The following DCAF6 variants were observed in gnomAD, a reference collection of about 807,000 sequenced individuals.
The protein encoded by DCAF6 is DDB1- and CUL4-associated factor 6.
DCAF6 carries 54 observed loss-of-function variants against 125.1 expected under a neutral mutation model. The observed-to-expected ratio is 0.43, with a 90% CI of 0.35 to 0.54. The LOEUF is 0.54. DCAF6 is among the 20% of genes least tolerant of loss of function. DCAF6 has a pLI of 0.01. For missense variants in DCAF6, 934 were observed against 1,161.7 expected (o/e 0.80, Z 2.85); for synonymous variants, 371 against 390.4 (o/e 0.95, Z 0.58).
the DCAF6 span, among the ~76,000 whole-genome samples, chr1:167,891,498 T>C: frequency 3.3e-5 from 5 of 151,342 alleles, no homozygotes; most frequent in African/African-American, 1.2e-4. Context: ...CTACTAAAAA[T>C]ACAAAAACGT....
chr1:168,037,350 T>C (rs1028985665), intron 12 of DCAF6, among the ~76,000 whole-genome samples: 6 of 152,194 alleles, frequency 3.9e-5, no homozygotes, highest in Non-Finnish European at 1.5e-5. Flanking sequence ...CAAGAGAAGT[T>C]TATTTTTAGT....
chr1:168,057,165 C>A (rs1452528321), intron 17 of DCAF6, among the ~76,000 whole-genome samples: 1 of 152,078 alleles, frequency 6.6e-6, no homozygotes, highest in African/African-American at 2.4e-5. Context: ...TTAATTTGTG[C>A]CATTCTACCT....
Position 168,050,881 on chromosome 1 carries a change from C to T in DCAF6, c.2259-11C>T. 1 of 1,341,832 alleles carries T rather than the reference C, an allele frequency of 7.5e-7. No homozygotes were observed. Among genetic ancestry groups the T allele is most frequent in the South Asian group, 2.0e-5 (1 of 49,128 alleles). 83.1% of individuals were successfully genotyped at this position (1,341,832 alleles called of 1,614,324 possible). A position where few individuals can be genotyped will look rare whatever the true frequency, so the allele number is the denominator to read the frequency against. On this transcript the variant is annotated splice_polypyrimidine_tract_variant and intron_variant, in intron 16 of 21. Transcript: ENST00000367840. ...TGTAAGTGATTTCAGTTATTGTGTT[C>T]CCTTCACTAGATTTAATATCAGAGG... is the stretch of plus-strand genomic sequence containing the variant.
chr1:167,934,106 A>G (rs750024361), upstream of DCAF6, among the ~76,000 whole-genome samples: 3 of 152,198 alleles, frequency 2.0e-5, no homozygotes, highest in Non-Finnish European at 4.4e-5. Context: ...GAACGAATCC[A>G]AGGATTTTCA....
intron 18 of DCAF6, among the ~76,000 whole-genome samples, chr1:168,064,706 A>T (rs564136383): frequency 1.4e-4 from 21 of 152,332 alleles, no homozygotes; most frequent in African/African-American, 5.1e-4. Context: ...GAAGATAAGT[A>T]AATTTAACAG....
At position 167,998,306 on chromosome 1, in the gene DCAF6, C is replaced by G. The variant is rs983270515; in HGVS notation, c.904-4176C>G. On this transcript the variant is annotated intron_variant, in intron 7 of 21. Coordinates refer to ENST00000367840, the MANE Select transcript of DCAF6 (RefSeq NM_001198956.2). ...TTCATTGCTAAAAAGTGCTAACAAT[C>G]ATCTGAACCTCAGTAAGTTGTATTC... Among the ~76,000 whole-genome samples, 7 of 152,142 alleles carry G rather than the reference C, an allele frequency of 4.6e-5. No individual in the cohort carries two copies. In the East Asian group the frequency reaches 1.4e-3, roughly 29 times the overall value.
chr1:168,015,607 G>A (rs1265087778), intron 10 of DCAF6, among the ~76,000 whole-genome samples, 174 bp from the exon 11 acceptor site: 1 of 152,104 alleles, frequency 6.6e-6, no homozygotes, highest in African/African-American at 2.4e-5. Context: ...GGTTGTATAT[G>A]TATTGTCTCA....
chr1:167,900,049 G>A, the DCAF6 span, among the ~76,000 whole-genome samples: 1 of 152,104 alleles, frequency 6.6e-6, no homozygotes, highest in African/African-American at 2.4e-5. Context: ...AAAGGGTGGG[G>A]GAAAGGAAGT....
chr1:168,074,886 C>T (rs1693625671), intron 21 of DCAF6, among the ~76,000 whole-genome samples: 1 of 152,180 alleles, frequency 6.6e-6, no homozygotes, highest in South Asian at 2.1e-4. Flanking sequence ...TAAATAAGCT[C>T]CTTGAGACCA....
chr1:168,039,671 T>C (rs1360162476), intron 13 of DCAF6, among the ~76,000 whole-genome samples: 2 of 145,912 alleles, frequency 1.4e-5, no homozygotes, highest in Non-Finnish European at 3.0e-5. Context: ...ATAATTAATA[T>C]ATTAATATAT....
intron 10 of DCAF6, among the ~76,000 whole-genome samples, chr1:168,009,349 T>TCCTTCCTTCCTTCCTTCCTCCCTC (rs1557970748): frequency 1.9e-4 from 5 of 26,868 alleles, no homozygotes; most frequent in Admixed American, 3.2e-4. Flanking sequence ...CTTCCTCCCT[T>TCCTTCCTTCCTTCCTTCCTCCCTC]CCTTCCTTCC....
chr1:167,926,368 T>C, the DCAF6 span, among the ~76,000 whole-genome samples: 3 of 152,224 alleles, frequency 2.0e-5, no homozygotes, highest in African/African-American at 4.8e-5. Flanking sequence ...ACCACACACA[T>C]AGAACTCTAG....
At chr1:167,990,454 T>C (rs1025409386) in intron 5 of DCAF6, among the ~76,000 whole-genome samples, 1 of 152,202 alleles carries the variant, frequency 6.6e-6, no homozygotes, top group African/African-American at 2.4e-5. Flanking sequence ...ACTCCATCTT[T>C]GCTGTCAAGT....
the DCAF6 span, among the ~76,000 whole-genome samples, chr1:167,870,070 G>A: frequency 6.6e-6 from 1 of 152,270 alleles, no homozygotes; most frequent in Non-Finnish European, 1.5e-5. Flanking sequence ...CCATGGGTCA[G>A]CCCAGTTTCT....
chr1:168,049,431 GTTT>G (rs11369573), intron 16 of DCAF6, among the ~76,000 whole-genome samples: 34 of 101,214 alleles, frequency 3.4e-4, no homozygotes, highest in Admixed American at 6.6e-4. Context: ...TGTTGTTGTT[GTTT>G]TTTTTTTTTT....
chr1:168,032,548 G>T (rs1040904153), intron 12 of DCAF6, among the ~76,000 whole-genome samples: 2 of 152,166 alleles, frequency 1.3e-5, no homozygotes, highest in African/African-American at 4.8e-5. Context: ...AATGTGGGGA[G>T]ATAGTTAAAC....
chr1:168,037,614 A>C (rs1040406100), intron 12 of DCAF6, among the ~76,000 whole-genome samples: 18 of 151,976 alleles, frequency 1.2e-4, no homozygotes, highest in African/African-American at 4.4e-4. Context: ...TACTCTATTA[A>C]TTTGTGTAGG....
chr1:167,883,697 C>T, the DCAF6 span: 5 of 1,447,654 alleles, frequency 3.5e-6, no homozygotes, highest in Non-Finnish European at 4.8e-6. Context: ...ACCGCCCCCA[C>T]CTCATACCCG....
chr1:168,050,305 T>A lies in DCAF6; in HGVS notation c.2259-587T>A, dbSNP rs1689751771. ...TTTAAAGCCAAAATTCCTTGTACTG[T>A]AAATTTGGCAGCATTTATTCAGTCA... On this transcript the variant is annotated intron_variant, in intron 16 of 21. Transcript: ENST00000367840. Among the ~76,000 whole-genome samples the A allele has an allele frequency of 2.0e-5, 3 of 152,340 alleles. No individual in the cohort carries two copies. In the South Asian group the frequency reaches 6.2e-4, roughly 32 times the overall value.
Sources: allele counts gnomAD v4.1 joint callset (sites outside exome capture counted in the v4.1 genomes callset), GRCh38; gene constraint gnomAD v4.1.1; transcripts MANE v1.5; gene names NCBI Gene and HGNC (gene_info 2026-07-23, HGNC 2026-07-21).